The following SCN2A variants were observed in gnomAD, a reference collection of about 807,000 sequenced individuals.
SCN2A encodes the protein sodium voltage-gated channel alpha subunit 2, also known as sodium channel protein type 2 subunit alpha.
SCN2A carries 20 observed loss-of-function variants against 188.7 expected under a neutral mutation model. The ratio of observed to expected loss-of-function variants is 0.11; its 90% CI spans 0.07 to 0.15. The LOEUF is 0.15. SCN2A is among the 10% of genes least tolerant of loss of function. SCN2A has a pLI of 1.00. For missense variants in SCN2A, 1,278 were observed against 2,445.0 expected (o/e 0.52, Z 10.07); for synonymous variants, 804 against 833.1 (o/e 0.97, Z 0.60).
chr2:165,369,112 A>G (rs73025943), intron 19 of SCN2A, among the ~76,000 whole-genome samples: 5,932 of 152,096 alleles, frequency 0.039, 374 homozygotes, highest in African/African-American at 0.13. Flanking sequence ...TTTTAGTAAT[A>G]GAGACTGGGT....
At chr2:165,349,475 G>A (rs973199466) in intron 16 of SCN2A, among the ~76,000 whole-genome samples, 1 of 152,142 alleles carries the variant, frequency 6.6e-6, no homozygotes, top group Non-Finnish European at 1.5e-5. Flanking sequence ...TTATCTATTA[G>A]TTTACTGAAA....
chr2:165,356,870 T>C (rs1186857039), intron 17 of SCN2A, among the ~76,000 whole-genome samples: 1 of 152,164 alleles, frequency 6.6e-6, no homozygotes, highest in Admixed American at 6.5e-5. Flanking sequence ...AGCTTTTTGA[T>C]TTGTTTTCCC....
chr2:165,300,284 A>G (rs1696734005), intron 3 of SCN2A, among the ~76,000 whole-genome samples: 1 of 152,212 alleles, frequency 6.6e-6, no homozygotes, highest in Non-Finnish European at 1.5e-5. Flanking sequence ...CTGAGTATCT[A>G]CCATGTGGTA....
chr2:165,315,003 G>A (rs1002166478), intron 10 of SCN2A, among the ~76,000 whole-genome samples: 1 of 152,034 alleles, frequency 6.6e-6, no homozygotes, highest in Non-Finnish European at 1.5e-5. Flanking sequence ...TTAAATCACG[G>A]AGAAAAATGT....
chr2:165,346,917 G>A (rs1382703880), intron 16 of SCN2A, among the ~76,000 whole-genome samples: 3 of 152,168 alleles, frequency 2.0e-5, no homozygotes, highest in African/African-American at 7.2e-5. Context: ...AGTTAGAATG[G>A]CGATCATTAA....
At chr2:165,331,711 C>CA (rs923330252) in intron 14 of SCN2A, 143 bp downstream of exon 14, 5 of 720,984 alleles carry the variant, frequency 6.9e-6, no homozygotes, top group African/African-American at 1.8e-5. Flanking sequence ...TTTTAAATAA[C>CA]AAAAAAATGT....
chr2:165,291,575 T>TCCTTCCTTCCTTCC (rs1460696524), intron 1 of SCN2A, among the ~76,000 whole-genome samples: 1 of 70,552 alleles, frequency 1.4e-5, no homozygotes, highest in African/African-American at 4.6e-5. Flanking sequence ...CTTCCTTCCT[T>TCCTTCCTTCCTTCC]TCTCTCTCTC....
intron 1 of SCN2A, among the ~76,000 whole-genome samples, chr2:165,265,471 C>CTCTATATATA (rs1380825419): frequency 4.1e-4 from 12 of 29,018 alleles, no homozygotes; most frequent in African/African-American, 1.4e-3. Context: ...CTCTGTTGAT[C>CTCTATATATA]TATATATATA....
chr2:165,284,047 C>CTCTCTCTCTCTT (rs368816672), intron 1 of SCN2A, among the ~76,000 whole-genome samples: 1,565 of 152,040 alleles, frequency 0.01, 28 homozygotes, highest in African/African-American at 0.036. Flanking sequence ...CTCTAGTTCT[C>CTCTCTCTCTCTT]TCTCTCTCTC....
intron 1 of SCN2A, chr2:165,245,262 G>A (rs913824243): frequency 6.6e-6 from 1 of 152,114 alleles, no homozygotes; most frequent in Non-Finnish European, 1.5e-5. Flanking sequence ...TTTAATCACG[G>A]GGGTGGTTAC....
chr2:165,367,320 T>C lies in SCN2A; in HGVS notation c.3624T>C (p.Asn1208=), dbSNP rs552725434. The change falls in exon 19 of 27, where the codon AAT becomes AAC. Residue 1208 remains asparagine, a synonymous_variant. Transcript: ENST00000375437. The part of the protein sequence containing the change: ...RKTCYKIVEH[N]WFETFIVFMI... ...CATGCTATAAGATAGTGGAGCACAA[T>C]TGGTTCGAAACCTTCATTGTCTTCA... The C allele has an allele frequency of 9.3e-6, 15 of 1,614,180 alleles. No homozygotes were observed. In the Admixed American group the frequency reaches 1.5e-4, roughly 16 times the overall value.
At chr2:165,354,767 A>C in intron 17 of SCN2A, 96 bp downstream of exon 17, 1 of 1,161,444 alleles carries the variant, frequency 8.6e-7, no homozygotes, top group Non-Finnish European at 1.2e-6. Context: ...CTTCCTGTTA[A>C]GAAAATAGAA....
intron 1 of SCN2A, among the ~76,000 whole-genome samples, chr2:165,261,870 A>G (rs1247285903): frequency 6.6e-6 from 1 of 152,214 alleles, no homozygotes; most frequent in African/African-American, 2.4e-5. Context: ...GGTATTGATT[A>G]ATCTATACAA....
chr2:165,239,480 G>A lies in SCN2A; in HGVS notation c.-212G>A, dbSNP rs1693523666. ...GCTAAGGCAAAGGAGGGAGGATGCT[G>A]TGGTCATCCTTTCTTGTTTTTTTCT... On this transcript the variant is annotated 5_prime_UTR_variant, in exon 1 of 27. In the 5' UTR this introduces an upstream ATG that the reference lacks. Coordinates refer to ENST00000375437, the MANE Select transcript of SCN2A (RefSeq NM_001040142.2). 2 of 212,318 alleles carry A rather than the reference G, an allele frequency of 9.4e-6. No individual in the cohort carries two copies. Among genetic ancestry groups the A allele is most frequent in the Admixed American group, 1.3e-4 (2 of 15,328 alleles). 13.2% of individuals were successfully genotyped at this position (212,318 alleles called of 1,614,324 possible).
At chr2:165,336,609 T>C (rs1179174600) in intron 14 of SCN2A, among the ~76,000 whole-genome samples, 1 of 151,952 alleles carries the variant, frequency 6.6e-6, no homozygotes, top group Non-Finnish European at 1.5e-5. Flanking sequence ...AACTAACTAA[T>C]GGGTATGCAG....
chr2:165,294,860 G>C (rs1559342991), intron 1 of SCN2A, among the ~76,000 whole-genome samples: 3 of 152,128 alleles, frequency 2.0e-5, no homozygotes, highest in Non-Finnish European at 4.4e-5. Flanking sequence ...GAGTTTGCTT[G>C]AAAAGATAAA....
At chr2:165,322,230 T>G (rs1156457614) in intron 11 of SCN2A, among the ~76,000 whole-genome samples, 2 of 152,174 alleles carry the variant, frequency 1.3e-5, no homozygotes, top group African/African-American at 2.4e-5. Context: ...CAGGGATATC[T>G]TTCAATTGAC....
intron 15 of SCN2A, among the ~76,000 whole-genome samples, chr2:165,344,188 G>A (rs938438655): frequency 4.6e-5 from 7 of 151,938 alleles, no homozygotes; most frequent in Admixed American, 2.0e-4. Flanking sequence ...TTATTAAACT[G>A]CCAATTTAAA....
chr2:165,296,039 G>A lies in SCN2A; in HGVS notation c.216G>A (p.Glu72=), dbSNP rs771468513. ...LPFIYGDIPP[E]MVSVPLEDLD... is the part of the protein sequence containing the mutation. ...TTATTTATGGAGACATTCCTCCAGA[G>A]ATGGTGTCAGTGCCCCTGGAGGATC... is the stretch of plus-strand genomic sequence containing the variant. The change falls in exon 2 of 27, where the codon GAG becomes GAA. Residue 72 remains glutamate (E), a synonymous_variant. Coordinates refer to ENST00000375437, the MANE Select transcript of SCN2A (RefSeq NM_001040142.2). 1 of 1,614,142 alleles carries A rather than the reference G, an allele frequency of 6.2e-7. No individual in the cohort carries two copies. Among genetic ancestry groups the A allele is most frequent in the Admixed American group, 1.7e-5 (1 of 60,024 alleles).
Sources: allele counts gnomAD v4.1 joint callset (sites outside exome capture counted in the v4.1 genomes callset), GRCh38; gene constraint gnomAD v4.1.1; transcripts MANE v1.5; gene names NCBI Gene and HGNC (gene_info 2026-07-23, HGNC 2026-07-21).